The following LMBR1 variants were observed in gnomAD, a reference collection of about 807,000 sequenced individuals.
The protein encoded by LMBR1 is limb region 1 protein homolog.
Under a neutral mutation model 73.9 loss-of-function variants are expected in LMBR1, and 52 were observed. The observed-to-expected ratio is 0.70, with a 90% CI of 0.56 to 0.89. The LOEUF (loss-of-function observed/expected upper bound fraction) is 0.89. Ranked by LOEUF, LMBR1 falls within the 40% of genes least tolerant of loss-of-function variation. The probability of loss-of-function intolerance (pLI) is 0.00; values close to 1 mark genes in which losing one functional copy is unlikely to be tolerated. For synonymous variants in LMBR1, 215 were observed against 209.4 expected (o/e 1.03, Z -0.23); for missense variants, 539 against 579.8 (o/e 0.93, Z 0.72).
intron 5 of LMBR1, among the ~76,000 whole-genome samples, chr7:156,795,104 C>A (rs559255918): frequency 3.3e-5 from 5 of 152,206 alleles, no homozygotes; most frequent in African/African-American, 9.6e-5. Flanking sequence ...CCGGCCATTC[C>A]CTCAATACTG....
At chr7:156,882,531 G>A (rs1801253686) in intron 1 of LMBR1, among the ~76,000 whole-genome samples, 1 of 152,150 alleles carries the variant, frequency 6.6e-6, no homozygotes, top group Admixed American at 6.5e-5. Flanking sequence ...GACAAATACT[G>A]CATGATCCCA....
In LMBR1 at chr7:156,855,668, A is replaced by C. The variant is rs1796855285; in HGVS notation, c.67-18783T>G. 9.0e-5 allele frequency among the ~76,000 whole-genome samples: 4 copies of C among 44,286 alleles called. No homozygotes were observed. In the South Asian group the frequency reaches 2.2e-3, roughly 25 times the overall value. The allele number at this position is 44,286 out of a possible 152,430, so 29.1% of individuals were successfully genotyped here. On this transcript the variant is annotated intron_variant, in intron 1 of 16. Coordinates refer to ENST00000353442, the MANE Select transcript of LMBR1 (RefSeq NM_022458.4). ...CAGACCAACAAACAACGTAAATACA[A>C]AAAAAAAAAAAAAAAAAAACCTATG...
chr7:156,710,984 G>C (rs1194642312), intron 15 of LMBR1, among the ~76,000 whole-genome samples: 1 of 152,062 alleles, frequency 6.6e-6, no homozygotes, highest in Admixed American at 6.6e-5. Context: ...CCAAGGAGGT[G>C]AAAGATATCT....
intron 16 of LMBR1, among the ~76,000 whole-genome samples, chr7:156,687,163 C>T (rs1279683514): frequency 6.6e-6 from 1 of 152,134 alleles, no homozygotes; most frequent in Non-Finnish European, 1.5e-5. Flanking sequence ...AAAACTGGAC[C>T]TTAATGAATC....
chr7:156,825,653 T>C (rs1310450505), intron 4 of LMBR1, among the ~76,000 whole-genome samples: 2 of 152,228 alleles, frequency 1.3e-5, no homozygotes, highest in African/African-American at 4.8e-5. Context: ...ATACACTAAA[T>C]TGATTTGTAA....
chr7:156,725,834 G>T lies in LMBR1; in HGVS notation c.997C>A (p.Pro333Thr), dbSNP rs761853440. The change falls in exon 13 of 17, where the codon CCT becomes ACT. Residue 333 changes from proline (P) to threonine (T), a missense_variant. Physicochemically the swap from Pro to Thr is conservative, Grantham distance 38. Transcript: ENST00000353442. Reference sequence around the variant, plus strand: ...GAAAGAGAGGCATTTCCTATTCCAGGCCCCTGGGGTGGGAGAAAGACACTT... The same window carrying T: ...GAAAGAGAGGCATTTCCTATTCCAGTCCCCTGGGGTGGGAGAAAGACACTT... ...ETAMPKGTRG[P>T]GIGNASLSTF... 2 of 1,612,270 alleles carry T rather than the reference G, an allele frequency of 1.2e-6. No homozygotes were observed. The highest frequency in any genetic ancestry group is 4.5e-5 in the East Asian group (2 of 44,838).
intron 15 of LMBR1, among the ~76,000 whole-genome samples, chr7:156,720,371 G>A (rs544300385): frequency 2.2e-4 from 34 of 152,278 alleles, no homozygotes; most frequent in African/African-American, 8.2e-4. Flanking sequence ...ATATCAACAG[G>A]TGACTAAATT....
At position 156,789,347 on chromosome 7, in the gene LMBR1, G is replaced by A. The variant is rs114908146; in HGVS notation, c.423+7042C>T. ...TCGATGAGAATTTCCTTTCTTTAAC[G>A]TAAAATGTGCAAACCAATAAATATT... On this transcript the variant is annotated intron_variant, in intron 5 of 16. Coordinates refer to ENST00000353442, the MANE Select transcript of LMBR1 (RefSeq NM_022458.4). 7.0e-4 allele frequency among the ~76,000 whole-genome samples: 107 copies of A among 152,142 alleles called. No individual in the cohort carries two copies. Among genetic ancestry groups the A allele is most frequent in the African/African-American group, 2.4e-3 (100 of 41,528 alleles).
intron 1 of LMBR1, among the ~76,000 whole-genome samples, chr7:156,885,702 C>A (rs896698932): frequency 2.6e-5 from 4 of 151,992 alleles, no homozygotes; most frequent in Admixed American, 2.6e-4. Flanking sequence ...CATGGTAAAA[C>A]CCTGCCTCTA....
chr7:156,692,737 G>A lies in LMBR1; in HGVS notation c.1226-4546C>T, dbSNP rs1409401458. Reference sequence around the variant, plus strand: ...AAGCTTGGAGCATAAGGATGACACAGTGGCCAGTGGGCTGCACAAAGGAAG... The same window carrying A: ...AAGCTTGGAGCATAAGGATGACACAATGGCCAGTGGGCTGCACAAAGGAAG... On this transcript the variant is annotated intron_variant, in intron 15 of 16. Coordinates refer to ENST00000353442, the MANE Select transcript of LMBR1 (RefSeq NM_022458.4). Among the ~76,000 whole-genome samples the A allele has an allele frequency of 2.0e-5, 3 of 152,206 alleles. No homozygotes were observed. The East Asian group carries it at 5.8e-4, about 29-fold the overall frequency.
At chr7:156,757,694 C>T (rs73741527) in intron 8 of LMBR1, among the ~76,000 whole-genome samples, 1,978 of 152,316 alleles carry the variant, frequency 0.013, 46 homozygotes, top group African/African-American at 0.045. Flanking sequence ...GACAAAAAGA[C>T]AGAAACCATA....
chr7:156,683,986 C>T lies in LMBR1; in HGVS notation c.*92G>A. On this transcript the variant is annotated 3_prime_UTR_variant, in exon 17 of 17. Coordinates refer to ENST00000353442, the MANE Select transcript of LMBR1 (RefSeq NM_022458.4). ...AGGTCTAGGTTCTGAAGAGGGGCCACGGTTGAATGGAAATGCTTCTACATG... is the reference window on the plus strand; with the variant it reads ...AGGTCTAGGTTCTGAAGAGGGGCCATGGTTGAATGGAAATGCTTCTACATG... 5.8e-6 allele frequency: 6 copies of T among 1,038,522 alleles called. No homozygotes were observed. Among genetic ancestry groups the T allele is most frequent in the South Asian group, 4.0e-5 (3 of 74,814 alleles). The allele number at this position is 1,038,522 out of a possible 1,614,324, so 64.3% of individuals were successfully genotyped here. A position where few individuals can be genotyped will look rare whatever the true frequency, so the allele number is the denominator to read the frequency against.
At chr7:156,696,073 T>C (rs1039271268) in intron 15 of LMBR1, among the ~76,000 whole-genome samples, 4 of 152,204 alleles carry the variant, frequency 2.6e-5, no homozygotes, top group African/African-American at 9.6e-5. Flanking sequence ...AAGTGAGTCA[T>C]GGGCCAAAGC....
In LMBR1 at chr7:156,728,628, G is replaced by C. The variant is rs747072099; in HGVS notation, c.915+16C>G. 2 of 1,554,632 alleles carry C rather than the reference G, an allele frequency of 1.3e-6. No homozygotes were observed. The highest frequency in any genetic ancestry group is 1.7e-6 in the Non-Finnish European group (2 of 1,148,658). ...ATATAATTTGCTTTTATTTAACTAG[G>C]CAAATAAATTCTTACTGTCTCAATA... On this transcript the variant is annotated intron_variant, in intron 11 of 16. Transcript: ENST00000353442.
intron 5 of LMBR1, among the ~76,000 whole-genome samples, chr7:156,774,713 T>A (rs1825813418): frequency 6.6e-6 from 1 of 152,080 alleles, no homozygotes; most frequent in East Asian, 1.9e-4. Context: ...GCACCTGTAG[T>A]CCCAGCTACT....
chr7:156,706,451 A>G (rs542364467), intron 15 of LMBR1, among the ~76,000 whole-genome samples: 1 of 152,328 alleles, frequency 6.6e-6, no homozygotes, highest in South Asian at 2.1e-4. Context: ...TTTATGTTCT[A>G]CTCATCAGCA....
rs531164023 is a variant in LMBR1, at chr7:156,814,705, C to T, written c.319+11900G>A. 5.3e-5 allele frequency among the ~76,000 whole-genome samples: 8 copies of T among 152,310 alleles called. No individual in the cohort carries two copies. In the South Asian group the frequency reaches 1.0e-3, roughly 20 times the overall value. On this transcript the variant is annotated intron_variant, in intron 4 of 16. Transcript: ENST00000353442. ...CCTGGATTTGCACCTATCACAAATA[C>T]GTGACCTTGAAGAGGGACTGCAACT...
chr7:156,809,888 G>A (rs1469438338), intron 4 of LMBR1, among the ~76,000 whole-genome samples: 1 of 152,110 alleles, frequency 6.6e-6, no homozygotes, highest in Non-Finnish European at 1.5e-5. Context: ...CATAGAACTG[G>A]TTAAGCTTCT....
chr7:156,892,024 C>G (rs1051775375), intron 1 of LMBR1, among the ~76,000 whole-genome samples: 12 of 152,168 alleles, frequency 7.9e-5, no homozygotes, highest in African/African-American at 2.9e-4. Flanking sequence ...TATTTTACAA[C>G]AGTTATGAAA....
Sources: gnomAD v4.1 joint callset for allele counts (sites outside exome capture counted in the v4.1 genomes callset) on GRCh38, gnomAD v4.1.1 for gene constraint, MANE v1.5 for transcripts, NCBI Gene and HGNC (gene_info 2026-07-23, HGNC 2026-07-21) for gene names.